Variants in DACH1 observed in about 807,000 individuals in gnomAD.
The protein encoded by DACH1 is dachshund homolog 1.
A neutral mutation model predicts 54.2 loss-of-function variants in DACH1; 12 were observed. The observed-to-expected ratio is 0.22, with a 90% CI of 0.14 to 0.36. The LOEUF is 0.36. Among genes scored for constraint, DACH1 ranks in the 10% least tolerant of loss-of-function variants. The pLI, the probability that DACH1 is intolerant of heterozygous loss-of-function variation, is 1.00. For synonymous variants in DACH1, 386 were observed against 366.2 expected, an observed-to-expected ratio of 1.05 and a Z score of -0.62; for missense variants, 805 against 929.8, an observed-to-expected ratio of 0.87 and a Z score of 1.75.
At chr13:71,645,638 A>G (rs1349477267) in intron 2 of DACH1, among the ~76,000 whole-genome samples, 4 of 152,220 alleles carry the variant, frequency 2.6e-5, no homozygotes, top group African/African-American at 9.6e-5. Flanking sequence ...GGATTTATTA[A>G]AAGTGCAGAC....
At position 71,489,077 on chromosome 13, in the gene DACH1, G is replaced by C. The variant is rs1287782099; in HGVS notation, c.1642C>G (p.Pro548Ala). Residue 548 changes from proline to alanine, a missense_variant, in exon 7 of 11, where the codon CCA becomes GCA. Physicochemically the swap from Pro to Ala is conservative, Grantham distance 27. This residue lies in a region of DACH1 where 472 missense variants were observed against 545.3 expected (regional missense o/e 0.87). Coordinates refer to ENST00000613252, the MANE Select transcript of DACH1 (RefSeq NM_080759.6). ...DKLSLTGHGQ[P>A]LPPGFPSPFL... ...GGAGATGGAAAACCTGGAGGCAGTGGTTGTCCATGCCCAGTTAGAGAGAGT... is the reference window on the plus strand; with the variant it reads ...GGAGATGGAAAACCTGGAGGCAGTGCTTGTCCATGCCCAGTTAGAGAGAGT... The C allele has an allele frequency of 3.7e-6, 6 of 1,613,870 alleles. No homozygotes were observed. The highest frequency in any genetic ancestry group is 5.1e-6 in the Non-Finnish European group (6 of 1,179,846).
At chr13:71,473,298 TATA>T in intron 10 of DACH1, among the ~76,000 whole-genome samples, 1 of 152,334 alleles carries the variant, frequency 6.6e-6, no homozygotes, top group African/African-American at 2.4e-5. Flanking sequence ...AATTACTATG[TATA>T]ATTGTTGTAC....
intron 1 of DACH1, among the ~76,000 whole-genome samples, chr13:71,865,242 C>T (rs1874647327): frequency 6.6e-6 from 1 of 152,214 alleles, no homozygotes; most frequent in Non-Finnish European, 1.5e-5. Context: ...GGCTGGCTTC[C>T]CCTCCGGGCT....
intron 2 of DACH1, among the ~76,000 whole-genome samples, chr13:71,651,649 CATGTAT>C (rs990770344): frequency 8.9e-4 from 133 of 148,924 alleles, no homozygotes; most frequent in African/African-American, 3.0e-3. Context: ...GATAAGAATG[CATGTAT>C]ATGTATCTGT....
chr13:71,765,409 T>A (rs980395983), intron 1 of DACH1, among the ~76,000 whole-genome samples: 1 of 152,230 alleles, frequency 6.6e-6, no homozygotes, highest in African/African-American at 2.4e-5. Flanking sequence ...ACAGGGACTG[T>A]TATAATAATC....
intron 2 of DACH1, among the ~76,000 whole-genome samples, chr13:71,673,889 TAAAC>T (rs982260930): frequency 2.6e-5 from 4 of 152,168 alleles, no homozygotes; most frequent in Non-Finnish European, 4.4e-5. Flanking sequence ...TCATAACCTA[TAAAC>T]AAACAAATAA....
At chr13:71,601,015 T>C (rs1019837422) in intron 3 of DACH1, among the ~76,000 whole-genome samples, 1 of 151,746 alleles carries the variant, frequency 6.6e-6, no homozygotes, top group Non-Finnish European at 1.5e-5. Flanking sequence ...TCAGGTTCCA[T>C]AATTCCGGAA....
At chr13:71,515,901 G>A (rs58864373) in intron 6 of DACH1, among the ~76,000 whole-genome samples, 2,173 of 151,944 alleles carry the variant, frequency 0.014, 61 homozygotes, top group African/African-American at 0.05. Context: ...CAATGACACT[G>A]TTATCTTAAT....
chr13:71,730,715 T>C (rs1462756241), intron 1 of DACH1, among the ~76,000 whole-genome samples: 1 of 152,174 alleles, frequency 6.6e-6, no homozygotes, highest in Admixed American at 6.5e-5. Flanking sequence ...GTTGTGCACC[T>C]GAGAGCTTAC....
chr13:71,755,650 A>G (rs901980054), intron 1 of DACH1, among the ~76,000 whole-genome samples: 1 of 152,194 alleles, frequency 6.6e-6, no homozygotes, highest in Non-Finnish European at 1.5e-5. Flanking sequence ...TTAAGAGGAA[A>G]TGATGTAGCT....
intron 6 of DACH1, among the ~76,000 whole-genome samples, chr13:71,535,307 A>G (rs1212698416): frequency 1.3e-5 from 2 of 151,758 alleles, no homozygotes; most frequent in Non-Finnish European, 2.9e-5. Context: ...TATCATGTGA[A>G]TTTTCTTTAC....
intron 6 of DACH1, among the ~76,000 whole-genome samples, chr13:71,513,719 T>C (rs557867034): frequency 6.6e-6 from 1 of 152,118 alleles, no homozygotes; most frequent in Admixed American, 6.6e-5. Context: ...TTTTCAAGGG[T>C]TTTGTATAAT....
At chr13:71,702,713 G>T (rs567479178) in intron 1 of DACH1, among the ~76,000 whole-genome samples, 1 of 152,158 alleles carries the variant, frequency 6.6e-6, no homozygotes, top group African/African-American at 2.4e-5. Flanking sequence ...CATAAATGAT[G>T]CTGCCAAATC....
At chr13:71,580,745 C>T (rs571156612) in intron 3 of DACH1, among the ~76,000 whole-genome samples, 4 of 152,220 alleles carry the variant, frequency 2.6e-5, no homozygotes, top group Non-Finnish European at 4.4e-5. Context: ...ACATCACCGG[C>T]GAGTTTTATA....
At chr13:71,741,843 C>T (rs1445897760) in intron 1 of DACH1, among the ~76,000 whole-genome samples, 1 of 152,036 alleles carries the variant, frequency 6.6e-6, no homozygotes, top group Non-Finnish European at 1.5e-5. Flanking sequence ...AAAATAACCC[C>T]ATCTTTCAGA....
chr13:71,546,491 T>C (rs1883474992), intron 6 of DACH1, among the ~76,000 whole-genome samples: 3 of 152,034 alleles, frequency 2.0e-5, no homozygotes, highest in Non-Finnish European at 4.4e-5. Context: ...AACATAAGGG[T>C]ACTTTACTTG....
chr13:71,648,723 C>T (rs1878471845), intron 2 of DACH1, among the ~76,000 whole-genome samples: 1 of 152,106 alleles, frequency 6.6e-6, no homozygotes, highest in Non-Finnish European at 1.5e-5. Context: ...AAATCAGGAT[C>T]ACATTGCTTA....
intron 1 of DACH1, among the ~76,000 whole-genome samples, chr13:71,771,438 A>C (rs1885850806): frequency 6.6e-6 from 1 of 151,536 alleles, no homozygotes; most frequent in Admixed American, 6.6e-5. Flanking sequence ...TTAAAAAGTC[A>C]CTTAGTATTT....
intron 1 of DACH1, among the ~76,000 whole-genome samples, chr13:71,825,468 C>T (rs1888344032): frequency 6.6e-6 from 1 of 152,006 alleles, no homozygotes; most frequent in African/African-American, 2.4e-5. Context: ...CACTTTCCAC[C>T]CCAATCCCTA....
Sources: allele counts gnomAD v4.1 joint callset (sites outside exome capture counted in the v4.1 genomes callset), GRCh38; gene constraint gnomAD v4.1.1; regional missense constraint gnomAD v4.1.1; transcripts MANE v1.5; gene names NCBI Gene and HGNC (gene_info 2026-07-23, HGNC 2026-07-21).